Variants in PCDHGB5 observed in about 807,000 individuals in gnomAD.
PCDHGB5 encodes protocadherin gamma subfamily B, 5, also known as protocadherin gamma-B5.
Under a neutral mutation model 62.9 loss-of-function variants are expected in PCDHGB5, and 48 were observed. The observed-to-expected ratio is 0.76, with a 90% CI of 0.61 to 0.97. The LOEUF is 0.97. Among genes scored for constraint, PCDHGB5 ranks in the 50% least tolerant of loss-of-function variants. The pLI, the probability that PCDHGB5 is intolerant of heterozygous loss-of-function variation, is 0.00. For missense variants in PCDHGB5, 1,118 were observed against 1,198.6 expected (o/e 0.93, Z 0.99); for synonymous variants, 474 against 511.2 (o/e 0.93, Z 0.98).
At chr5:141,423,150 G>T in intron 1 of PCDHGB5, 1 of 1,613,538 alleles carries the variant, frequency 6.2e-7, no homozygotes, top group Non-Finnish European at 8.5e-7. Flanking sequence ...CGCTCAAGCA[G>T]AGCCTCGTGG....
At chr5:141,417,900 G>T (rs563876979) in intron 1 of PCDHGB5, 1 of 1,583,452 alleles carries the variant, frequency 6.3e-7, no homozygotes, top group African/African-American at 1.3e-5. Flanking sequence ...GCCGGCCCGC[G>T]GCAGGTACTA....
chr5:141,509,421 A>T (rs939726886), intron 3 of PCDHGB5, among the ~76,000 whole-genome samples: 5 of 152,088 alleles, frequency 3.3e-5, no homozygotes, highest in Non-Finnish European at 1.5e-5. Context: ...AGCCCCAATG[A>T]GTCAAACTCT....
intron 1 of PCDHGB5, chr5:141,418,394 T>C: frequency 6.2e-7 from 1 of 1,614,020 alleles, no homozygotes; most frequent in Non-Finnish European, 8.5e-7. Flanking sequence ...CGAGTATTTC[T>C]CATTGGTGGA....
chr5:141,414,515 C>T, intron 1 of PCDHGB5: 1 of 1,613,958 alleles, frequency 6.2e-7, no homozygotes, highest in Non-Finnish European at 8.5e-7. Flanking sequence ...CTACAAGTGG[C>T]AGATATCAAT....
At chr5:141,443,447 C>T (rs1267862519) in intron 1 of PCDHGB5, among the ~76,000 whole-genome samples, 1 of 152,184 alleles carries the variant, frequency 6.6e-6, no homozygotes, top group African/African-American at 2.4e-5. Flanking sequence ...GGTTGCGCTC[C>T]TGTACTCCAG....
chr5:141,487,304 C>T lies in PCDHGB5; in HGVS notation c.2398-7503C>T. The T allele has an allele frequency of 6.2e-7, 1 of 1,614,190 alleles. No homozygotes were observed. The highest frequency in any genetic ancestry group is 8.5e-7 in the Non-Finnish European group (1 of 1,180,042). On this transcript the variant is annotated intron_variant, in intron 1 of 3. Transcript: ENST00000617380. This position sits in a 1 kb window ranked among gnomAD's most constrained non-coding sequence, Gnocchi z 5.0. ...TGTCTCCTTTGGCTCATTCGTGGCA[C>T]TACTCTCTAAGTGTCTTCGTGGGGC...
chr5:141,431,907 T>A lies in PCDHGB5; in HGVS notation c.2397+31383T>A, dbSNP rs2097427946. 2 of 1,613,964 alleles carry A rather than the reference T, an allele frequency of 1.2e-6. No homozygotes were observed. Among genetic ancestry groups the A allele is most frequent in the South Asian group, 2.2e-5 (2 of 91,086 alleles). Reference sequence around the variant, plus strand: ...GATTCTGAGGAAAACGGACAGGTGATCTGTTTCATCCAAGGAAATCTGCCC... The same window carrying A: ...GATTCTGAGGAAAACGGACAGGTGAACTGTTTCATCCAAGGAAATCTGCCC... On this transcript the variant is annotated intron_variant, in intron 1 of 3. Transcript: ENST00000617380. This position sits in a 1 kb window ranked among gnomAD's most constrained non-coding sequence, Gnocchi z 4.8.
Position 141,485,979 on chromosome 5 carries a change from C to T in PCDHGB5, c.2398-8828C>T. ...CTCATCCAGCTCAATGCCTCAGACC[C>T]GGACCTGGGTCCCAGTGGTAACGTC... is the stretch of plus-strand genomic sequence containing the variant. On this transcript the variant is annotated intron_variant, in intron 1 of 3. Coordinates refer to ENST00000617380, the MANE Select transcript of PCDHGB5 (RefSeq NM_018925.3). The surrounding 1 kb of genome is among the most constrained non-coding windows in gnomAD (Gnocchi z 5.7). The T allele has an allele frequency of 1.2e-6, 2 of 1,614,182 alleles. No individual in the cohort carries two copies. The highest frequency in any genetic ancestry group is 1.7e-6 in the Non-Finnish European group (2 of 1,180,022).
rs1452697214 is a variant in PCDHGB5, at chr5:141,476,552, G to A, written c.2398-18255G>A. ...CCAGGAAATGAAATTGGAGATTAGCGAGGCCGTGGCTCCGGGGACGCGCTT... is the reference window on the plus strand; with the variant it reads ...CCAGGAAATGAAATTGGAGATTAGCAAGGCCGTGGCTCCGGGGACGCGCTT... On this transcript the variant is annotated intron_variant, in intron 1 of 3. Transcript: ENST00000617380. The surrounding 1 kb of genome is among the most constrained non-coding windows in gnomAD (Gnocchi z 7.6). 1 of 1,614,210 alleles carries A rather than the reference G, an allele frequency of 6.2e-7. No homozygotes were observed. Among genetic ancestry groups the A allele is most frequent in the Non-Finnish European group, 8.5e-7 (1 of 1,180,032 alleles).
intron 1 of PCDHGB5, among the ~76,000 whole-genome samples, chr5:141,400,819 C>T (rs1316119038): frequency 6.6e-6 from 1 of 152,132 alleles, no homozygotes; most frequent in Non-Finnish European, 1.5e-5. Context: ...TTTACCTATT[C>T]GTTGTCTCAT....
intron 1 of PCDHGB5, among the ~76,000 whole-genome samples, chr5:141,434,049 A>G (rs868088310): frequency 2.0e-5 from 3 of 152,116 alleles, no homozygotes; most frequent in Non-Finnish European, 2.9e-5. Flanking sequence ...ATTTTATTCA[A>G]TGGCCTGTAA....
At chr5:141,433,326 A>G in intron 1 of PCDHGB5, 1 of 726,596 alleles carries the variant, frequency 1.4e-6, no homozygotes. Context: ...CCGGTGTAAC[A>G]GGGACTACAG....
intron 1 of PCDHGB5, chr5:141,418,998 G>C (rs757681244): frequency 1.9e-6 from 3 of 1,613,940 alleles, no homozygotes; most frequent in South Asian, 1.1e-5. Context: ...GGGGAAAATG[G>C]GGAAGTCAGG....
At chr5:141,469,836 T>C (rs2099212875) in intron 1 of PCDHGB5, among the ~76,000 whole-genome samples, 1 of 152,064 alleles carries the variant, frequency 6.6e-6, no homozygotes, top group South Asian at 2.1e-4. Flanking sequence ...ATAAAACTTA[T>C]TCTTAAGATT....
intron 2 of PCDHGB5, among the ~76,000 whole-genome samples, chr5:141,502,024 C>T (rs2099812413): frequency 2.0e-5 from 3 of 152,152 alleles, no homozygotes; most frequent in Admixed American, 1.3e-4. Context: ...TCCCTGCAAC[C>T]CCCGCCGCTT....
At chr5:141,419,318 G>A in intron 1 of PCDHGB5, 1 of 1,613,992 alleles carries the variant, frequency 6.2e-7, no homozygotes, top group Non-Finnish European at 8.5e-7. Flanking sequence ...CAACGGCCGT[G>A]TCTCCTACTC....
intron 1 of PCDHGB5, chr5:141,405,119 C>A: frequency 1.2e-6 from 2 of 1,614,024 alleles, no homozygotes; most frequent in South Asian, 1.1e-5. Context: ...GCACTCCTCG[C>A]ATCTGCTGCG....
chr5:141,419,447 C>T (rs754931078), intron 1 of PCDHGB5: 8 of 1,613,016 alleles, frequency 5.0e-6, no homozygotes, highest in Non-Finnish European at 4.2e-6. Flanking sequence ...CACCTTCGAG[C>T]TCACGCTGCA....
At chr5:141,452,538 G>T (rs1330051133) in intron 1 of PCDHGB5, among the ~76,000 whole-genome samples, 1 of 152,148 alleles carries the variant, frequency 6.6e-6, no homozygotes, top group Non-Finnish European at 1.5e-5. Flanking sequence ...AGTTCATATT[G>T]ATACCTCCAG....
Sources: allele counts gnomAD v4.1 joint callset (sites outside exome capture counted in the v4.1 genomes callset), GRCh38; gene constraint gnomAD v4.1.1; non-coding constraint Gnocchi (gnomAD v3.1); transcripts MANE v1.5; gene names NCBI Gene and HGNC (gene_info 2026-07-23, HGNC 2026-07-21).